PI15: variants seen among roughly 807,000 people sequenced by gnomAD.
The protein encoded by PI15 is peptidase inhibitor 15.
PI15 carries 18 observed loss-of-function variants against 31.0 expected under a neutral mutation model. That is an observed-to-expected ratio of 0.58 (90% CI 0.40 to 0.86). PI15 has a LOEUF of 0.86. Among genes scored for constraint, PI15 ranks in the 40% least tolerant of loss-of-function variants. PI15 has a pLI of 0.00. For synonymous variants in PI15, 118 were observed against 119.1 expected (o/e 0.99, Z 0.06); for missense variants, 282 against 328.1 (o/e 0.86, Z 1.09).
At chr8:74,839,869 A>C (rs1165963805) in intron 2 of PI15, among the ~76,000 whole-genome samples, 1 of 151,866 alleles carries the variant, frequency 6.6e-6, no homozygotes, top group African/African-American at 2.4e-5. Flanking sequence ...GAAATTTATC[A>C]GATAGATTGC....
At chr8:74,839,761 TCACAGAAATAAGTACA>T (rs1458308795) in intron 2 of PI15, among the ~76,000 whole-genome samples, 2 of 152,194 alleles carry the variant, frequency 1.3e-5, no homozygotes, top group African/African-American at 4.8e-5. Context: ...ACTAGGCATT[TCACAGAAATAAGTACA>T]CACCTGTGCC....
chr8:74,838,403 TA>T (rs1433097311), intron 2 of PI15, among the ~76,000 whole-genome samples: 1 of 152,186 alleles, frequency 6.6e-6, no homozygotes, highest in East Asian at 1.9e-4. Flanking sequence ...CCATTCTTTT[TA>T]ACCTTTTTAA....
Position 74,826,450 on chromosome 8 carries a change from A to C in PI15, c.273+928A>C, listed in dbSNP as rs540355070. On this transcript the variant is annotated intron_variant, in intron 2 of 5. Coordinates refer to ENST00000260113, the MANE Select transcript of PI15 (RefSeq NM_015886.5). ...ATTCTAGATTCACTTGTTTTATGTA[A>C]ATAAGTTATATTAAAAAGTTTGGCT... 2.0e-3 allele frequency: 364 copies of C among 178,752 alleles called. 1 individual carries two copies. Among genetic ancestry groups the C allele is most frequent in the Non-Finnish European group, 3.3e-3 (304 of 92,328 alleles). 11.1% of individuals were successfully genotyped at this position (178,752 alleles called of 1,614,324 possible).
intron 2 of PI15, among the ~76,000 whole-genome samples, chr8:74,843,080 G>T (rs563612045): frequency 3.9e-5 from 6 of 152,124 alleles, no homozygotes; most frequent in Admixed American, 6.5e-5. Context: ...TATAAAATTA[G>T]ACATTATTAA....
chr8:74,846,718 T>G (rs914271906), intron 5 of PI15, among the ~76,000 whole-genome samples: 3 of 152,166 alleles, frequency 2.0e-5, no homozygotes, highest in Non-Finnish European at 4.4e-5. Flanking sequence ...GATTGATAGC[T>G]GAATATAATT....
intron 2 of PI15, among the ~76,000 whole-genome samples, chr8:74,834,641 C>T (rs1810835520): frequency 1.3e-5 from 2 of 152,162 alleles, no homozygotes; most frequent in Admixed American, 6.5e-5. Context: ...TCCCACCTGC[C>T]TTTTACTCCA....
In PI15 at chr8:74,845,299, T is replaced by C. The variant is rs1286405470; in HGVS notation, c.525+39T>C. The C allele has an allele frequency of 3.1e-6, 5 of 1,602,196 alleles. No homozygotes were observed. The Admixed American group carries it at 6.7e-5, about 21-fold the overall frequency. On this transcript the variant is annotated intron_variant, in intron 4 of 5. Coordinates refer to ENST00000260113, the MANE Select transcript of PI15 (RefSeq NM_015886.5). ...CCTTGTTAATTTTTGATTCATACTT[T>C]TAAAATATGCTAATACTATTTTGGT...
chr8:74,853,267 T>A lies in PI15; in HGVS notation c.*4014T>A, dbSNP rs1811132404. ...AGTATCTATTCTGGTGCTAAATGTATGGTGCTAAATGAATTGTTAGTGTTG... is the reference window on the plus strand; with the variant it reads ...AGTATCTATTCTGGTGCTAAATGTAAGGTGCTAAATGAATTGTTAGTGTTG... On this transcript the variant is annotated 3_prime_UTR_variant, in exon 6 of 6. Transcript: ENST00000260113. 1 of 152,514 alleles carries A rather than the reference T, an allele frequency of 6.6e-6. No homozygotes were observed. The highest frequency in any genetic ancestry group is 6.6e-5 in the Admixed American group (1 of 15,256). The allele number at this position is 152,514 out of a possible 1,614,324, so 9.4% of individuals were successfully genotyped here.
rs1811114123 is a variant in PI15, at chr8:74,851,937, T to C, written c.*2684T>C. The C allele has an allele frequency of 6.6e-6, 1 of 152,372 alleles. No homozygotes were observed. Among genetic ancestry groups the C allele is most frequent in the Admixed American group, 6.5e-5 (1 of 15,276 alleles). The allele number at this position is 152,372 out of a possible 1,614,324, so 9.4% of individuals were successfully genotyped here. The stretch of plus-strand genomic sequence containing the variant: ...GGGTATATTTGTTATTCTAACTCTA[T>C]TTTTTAAAGTTAATAATATAAAGTG... On this transcript the variant is annotated 3_prime_UTR_variant, in exon 6 of 6. Coordinates refer to ENST00000260113, the MANE Select transcript of PI15 (RefSeq NM_015886.5).
At chr8:74,836,276 T>C (rs1042120791) in intron 2 of PI15, among the ~76,000 whole-genome samples, 6 of 152,130 alleles carry the variant, frequency 3.9e-5, no homozygotes, top group African/African-American at 1.4e-4. Context: ...TGATGTGACC[T>C]GTCCACCATA....
intron 4 of PI15, 40 bp from the exon 5 acceptor site, chr8:74,845,342 G>C (rs780862543): frequency 6.3e-7 from 1 of 1,588,472 alleles, no homozygotes; most frequent in Admixed American, 1.7e-5. Flanking sequence ...CATTGTCTTA[G>C]CTCTGACTTC....
chr8:74,840,920 C>T (rs1308973805), intron 2 of PI15, among the ~76,000 whole-genome samples: 1 of 152,108 alleles, frequency 6.6e-6, no homozygotes, highest in Non-Finnish European at 1.5e-5. Context: ...CATCGGTGAA[C>T]ACGTTTTCTT....
chr8:74,835,012 A>ACTG (rs35760777), intron 2 of PI15, among the ~76,000 whole-genome samples: 73,214 of 151,554 alleles, frequency 0.48, 19,887 homozygotes, highest in African/African-American at 0.74. Context: ...ATTTATATTC[A>ACTG]CTGCAGTAAA....
In PI15 at chr8:74,826,198, TA is replaced by T. The variant is rs111618226; in HGVS notation, c.273+686del. ...TGTTTAAATCATTTTACTTAGAAAG[TA>T]AAAAAAAAAGTTAGTATTGAAAGGA... is the stretch of plus-strand genomic sequence containing the variant. On this transcript the variant is annotated intron_variant, in intron 2 of 5. Coordinates refer to ENST00000260113, the MANE Select transcript of PI15 (RefSeq NM_015886.5). The T allele has an allele frequency of 6.4e-3, 1,922 of 298,080 alleles. 1 individual carries two copies. Among genetic ancestry groups the T allele is most frequent in the Non-Finnish European group, 8.4e-3 (1,709 of 203,244 alleles). The allele number at this position is 298,080 out of a possible 1,614,324, so 18.5% of individuals were successfully genotyped here.
At chr8:74,839,464 T>C (rs1191142349) in intron 2 of PI15, among the ~76,000 whole-genome samples, 1 of 152,220 alleles carries the variant, frequency 6.6e-6, no homozygotes, top group African/African-American at 2.4e-5. Context: ...TGTATCTGAT[T>C]TATCTAATTT....
intron 3 of PI15, 125 bp downstream of exon 3, chr8:74,844,224 G>T: frequency 1.5e-6 from 1 of 687,156 alleles, no homozygotes; most frequent in Non-Finnish European, 2.6e-6. Context: ...TATGTGTCAG[G>T]TACTAACGCT....
chr8:74,842,143 G>A (rs965003273), intron 2 of PI15, among the ~76,000 whole-genome samples: 1 of 152,054 alleles, frequency 6.6e-6, no homozygotes, highest in African/African-American at 2.4e-5. Flanking sequence ...ATATGGTCAA[G>A]CATTCCCATG....
intron 5 of PI15, among the ~76,000 whole-genome samples, chr8:74,848,475 T>C (rs1811055384): frequency 6.6e-6 from 1 of 151,770 alleles, no homozygotes; most frequent in Admixed American, 6.6e-5. Context: ...AATATTAGTT[T>C]GTTTTTTTAA....
At chr8:74,829,291 TA>T (rs1810745507) in intron 2 of PI15, among the ~76,000 whole-genome samples, 1 of 151,890 alleles carries the variant, frequency 6.6e-6, no homozygotes, top group Non-Finnish European at 1.5e-5. Context: ...TCTTAAATTC[TA>T]AAAAAAACCA....
Sources: gnomAD v4.1 joint callset for allele counts (sites outside exome capture counted in the v4.1 genomes callset) on GRCh38, gnomAD v4.1.1 for gene constraint, MANE v1.5 for transcripts, NCBI Gene and HGNC (gene_info 2026-07-23, HGNC 2026-07-21) for gene names.